Variants in EP300 observed in about 807,000 individuals in gnomAD.
EP300 encodes the protein histone acetyltransferase p300.
A neutral mutation model predicts 264.0 loss-of-function variants in EP300; 31 were observed. That is an observed-to-expected ratio of 0.12 (90% CI 0.09 to 0.16). EP300 has a LOEUF of 0.16. Ranked by LOEUF, EP300 falls within the 10% of genes least tolerant of loss-of-function variation. The pLI is 1.00. For missense variants in EP300, 2,766 were observed against 3,052.9 expected (o/e 0.91, Z 2.21); for synonymous variants, 1,340 against 1,045.4 (o/e 1.28, Z -5.44).
chr22:41,101,760 G>T (rs1179636656), intron 1 of EP300, among the ~76,000 whole-genome samples: 1 of 152,024 alleles, frequency 6.6e-6, no homozygotes, highest in Non-Finnish European at 1.5e-5. Flanking sequence ...TTGCTGTGTT[G>T]CCCAGGCTGA....
intron 1 of EP300, among the ~76,000 whole-genome samples, chr22:41,102,858 T>C (rs1027325957): frequency 4.6e-5 from 7 of 152,140 alleles, no homozygotes; most frequent in African/African-American, 1.7e-4. Flanking sequence ...ATTTATTTAT[T>C]ATTTATTTAT....
intron 19 of EP300, chr22:41,159,505 A>G (rs1350970821): frequency 2.0e-5 from 3 of 152,202 alleles, no homozygotes; most frequent in African/African-American, 7.2e-5. Context: ...AAAGCAAGTA[A>G]CTGGACATGA....
At position 41,143,775 on chromosome 22, in the gene EP300, C is replaced by T. The variant is rs1342505191; in HGVS notation, c.2053+2553C>T. ...TATTTTCAGTAGAGACAGGGTTTCA[C>T]ACCATGTTGGCCAACCTAGTCTCGA... On this transcript the variant is annotated intron_variant, in intron 10 of 30. Coordinates refer to ENST00000263253, the MANE Select transcript of EP300 (RefSeq NM_001429.4). 3.3e-5 allele frequency among the ~76,000 whole-genome samples: 5 copies of T among 152,152 alleles called. No homozygotes were observed. The East Asian group carries it at 9.6e-4, about 29-fold the overall frequency.
intron 1 of EP300, among the ~76,000 whole-genome samples, 171 bp from the exon 2 acceptor site, chr22:41,117,016 G>A (rs995147420): frequency 7.9e-5 from 12 of 152,136 alleles, no homozygotes; most frequent in African/African-American, 2.2e-4. Context: ...CCAAGATCGC[G>A]CACCACTGCA....
At chr22:41,152,488 C>A in intron 16 of EP300, 138 bp downstream of exon 16, 2 of 880,288 alleles carry the variant, frequency 2.3e-6, no homozygotes, top group Non-Finnish European at 3.5e-6. Context: ...GGCCTGGTCT[C>A]TTCATTGTTA....
chr22:41,171,683 G>C (rs1224964891), intron 27 of EP300, among the ~76,000 whole-genome samples: 6 of 151,312 alleles, frequency 4.0e-5, no homozygotes, highest in Admixed American at 1.3e-4. Flanking sequence ...TTTCAGGCTG[G>C]AGTGCAATGG....
At chr22:41,137,616 T>G (rs1483374331) in intron 7 of EP300, 37 bp from the exon 8 acceptor site, 1 of 1,614,010 alleles carries the variant, frequency 6.2e-7, no homozygotes, top group East Asian at 2.2e-5. Flanking sequence ...TCTCCTACCT[T>G]TCTTCACTAA....
At chr22:41,106,928 G>A (rs1051480131) in intron 1 of EP300, among the ~76,000 whole-genome samples, 1 of 151,908 alleles carries the variant, frequency 6.6e-6, no homozygotes, top group African/African-American at 2.4e-5. Flanking sequence ...ATTTTTTGAG[G>A]TGGGATCTCG....
chr22:41,140,938 A>T, intron 9 of EP300, 110 bp from the exon 10 acceptor site: 3 of 1,065,024 alleles, frequency 2.8e-6, no homozygotes, highest in Non-Finnish European at 2.7e-6. Flanking sequence ...CCAGTTCTTA[A>T]TGCAGCATAT....
intron 20 of EP300, among the ~76,000 whole-genome samples, chr22:41,161,187 C>G (rs1333309627): frequency 6.6e-6 from 1 of 152,208 alleles, no homozygotes; most frequent in Non-Finnish European, 1.5e-5. Context: ...TAACAGAAGA[C>G]CCAAGTCACT....
At chr22:41,122,843 C>G (rs1467408656) in intron 2 of EP300, among the ~76,000 whole-genome samples, 2 of 151,918 alleles carry the variant, frequency 1.3e-5, no homozygotes, top group Admixed American at 6.6e-5. Context: ...GCTAGGAGTT[C>G]AGTCAACTCC....
chr22:41,171,026 T>C (rs1601634864), intron 27 of EP300, among the ~76,000 whole-genome samples: 1 of 149,842 alleles, frequency 6.7e-6, no homozygotes, highest in Non-Finnish European at 1.5e-5. Flanking sequence ...TTCCTAAAAA[T>C]GCTAATTTGA....
intron 9 of EP300, among the ~76,000 whole-genome samples, chr22:41,140,582 G>A (rs977394338): frequency 1.5e-4 from 23 of 152,040 alleles, no homozygotes; most frequent in Non-Finnish European, 2.6e-4. Context: ...TGAGGTGGGC[G>A]GATCACTTGA....
At chr22:41,104,733 C>G (rs948443713) in intron 1 of EP300, among the ~76,000 whole-genome samples, 1 of 152,170 alleles carries the variant, frequency 6.6e-6, no homozygotes, top group East Asian at 1.9e-4. Flanking sequence ...AAATTCAAGA[C>G]TTAAGGCTGG....
At chr22:41,123,459 C>T (rs932827996) in intron 2 of EP300, among the ~76,000 whole-genome samples, 1 of 152,118 alleles carries the variant, frequency 6.6e-6, no homozygotes, top group African/African-American at 2.4e-5. Flanking sequence ...AAACAGAAGA[C>T]AGGCAAACCT....
intron 1 of EP300, among the ~76,000 whole-genome samples, chr22:41,097,065 T>A (rs963081436): frequency 6.6e-6 from 1 of 152,212 alleles, no homozygotes; most frequent in Non-Finnish European, 1.5e-5. Flanking sequence ...TACATAAGAG[T>A]TTGCTTCTGG....
intron 16 of EP300, among the ~76,000 whole-genome samples, chr22:41,154,533 A>G (rs1296809052): frequency 4.0e-5 from 6 of 151,588 alleles, no homozygotes; most frequent in South Asian, 4.2e-4. Context: ...GCATGCCACC[A>G]TGTCCGACTA....
At chr22:41,173,191 TAAC>T (rs1323268535) in intron 28 of EP300, among the ~76,000 whole-genome samples, 1 of 152,240 alleles carries the variant, frequency 6.6e-6, no homozygotes, top group Non-Finnish European at 1.5e-5. Flanking sequence ...AATAGTCTGT[TAAC>T]AAACTCTTAC....
chr22:41,178,682 A>C lies in EP300; in HGVS notation c.6971A>C (p.His2324Pro), dbSNP rs767644624. The C allele has an allele frequency of 2.5e-6, 4 of 1,612,610 alleles. No individual in the cohort carries two copies. Among genetic ancestry groups the C allele is most frequent in the Admixed American group, 1.7e-5 (1 of 59,838 alleles). The change falls in exon 31 of 31, where the codon CAC (histidine) becomes CCC (proline). Residue 2324 changes from histidine (H) to proline (P), a missense_variant. Coordinates refer to ENST00000263253, the MANE Select transcript of EP300 (RefSeq NM_001429.4). ...PSPRPQSQPP[H>P]SSPSPRMQPQ... ...CCACGGCCACAGTCCCAGCCCCCCC[A>C]CTCCAGTCCTTCCCCAAGGATGCAG... is the stretch of plus-strand genomic sequence containing the variant.
Sources: gnomAD v4.1 joint callset for allele counts (sites outside exome capture counted in the v4.1 genomes callset) on GRCh38, gnomAD v4.1.1 for gene constraint, MANE v1.5 for transcripts, NCBI Gene and HGNC (gene_info 2026-07-23, HGNC 2026-07-21) for gene names.